Variants in EYS observed in about 807,000 individuals in gnomAD.
EYS encodes the protein protein eyes shut homolog.
In EYS, 250 loss-of-function variants were observed where a neutral mutation model predicts 282.1. The observed-to-expected ratio is 0.89, with a 90% CI of 0.80 to 0.98. The LOEUF (loss-of-function observed/expected upper bound fraction) is 0.98. Ranked by LOEUF, EYS falls within the 50% of genes least tolerant of loss-of-function variation. EYS has a pLI of 0.00. For missense variants in EYS, 4,016 were observed against 3,709.0 expected, an observed-to-expected ratio of 1.08 and a Z score of -2.15; for synonymous variants, 1,355 against 1,282.9, an observed-to-expected ratio of 1.06 and a Z score of -1.20.
At chr6:64,803,798 G>A (rs1013619572) in intron 22 of EYS, among the ~76,000 whole-genome samples, 3 of 152,218 alleles carry the variant, frequency 2.0e-5, no homozygotes, top group Non-Finnish European at 2.9e-5. Context: ...ACAGTGCCTG[G>A]GCTTGGCCTC....
chr6:65,556,057 A>T (rs192761721), intron 2 of EYS, among the ~76,000 whole-genome samples: 8 of 152,170 alleles, frequency 5.3e-5, no homozygotes, highest in Non-Finnish European at 7.3e-5. Flanking sequence ...GCTTTGCTCA[A>T]TGGTCCTTCT....
intron 26 of EYS, among the ~76,000 whole-genome samples, chr6:64,571,331 A>G (rs1449466980): frequency 6.6e-6 from 1 of 152,186 alleles, no homozygotes; most frequent in Non-Finnish European, 1.5e-5. Context: ...AGCAGAAAAG[A>G]TCTAAAATCA....
intron 15 of EYS, among the ~76,000 whole-genome samples, chr6:64,920,956 A>G (rs1768327833): frequency 6.6e-6 from 1 of 152,158 alleles, no homozygotes; most frequent in Non-Finnish European, 1.5e-5. Flanking sequence ...CAGTTTAATA[A>G]GCATTACACT....
At chr6:64,632,060 C>T (rs994509148) in intron 22 of EYS, among the ~76,000 whole-genome samples, 1 of 91,784 alleles carries the variant, frequency 1.1e-5, no homozygotes, top group Non-Finnish European at 2.4e-5. Flanking sequence ...AAGGAAGGAA[C>T]GATGTTATGA....
chr6:64,999,379 T>C (rs775053209), intron 13 of EYS, among the ~76,000 whole-genome samples: 1 of 152,238 alleles, frequency 6.6e-6, no homozygotes, highest in African/African-American at 2.4e-5. Flanking sequence ...ATTGTTGTTG[T>C]TGTTTTTAAC....
intron 34 of EYS, among the ~76,000 whole-genome samples, chr6:63,989,949 C>T (rs1480271858): frequency 6.6e-6 from 1 of 151,450 alleles, no homozygotes; most frequent in African/African-American, 2.4e-5. Context: ...CAATAATTCA[C>T]AGTTAATATT....
intron 5 of EYS, among the ~76,000 whole-genome samples, chr6:65,471,616 A>G (rs986848759): frequency 1.3e-5 from 2 of 152,092 alleles, no homozygotes; most frequent in African/African-American, 4.8e-5. Context: ...TCAGAATATG[A>G]TCTCATTACC....
chr6:64,555,772 A>G (rs1348815649), intron 26 of EYS, among the ~76,000 whole-genome samples: 3 of 152,004 alleles, frequency 2.0e-5, no homozygotes, highest in Non-Finnish European at 4.4e-5. Context: ...CATTACATGA[A>G]TGTATTAAAT....
chr6:64,823,423 T>C (rs1764956817), intron 19 of EYS, among the ~76,000 whole-genome samples: 1 of 151,866 alleles, frequency 6.6e-6, no homozygotes, highest in East Asian at 1.9e-4. Flanking sequence ...GGTAATCATT[T>C]ACAGATAGAA....
intron 14 of EYS, among the ~76,000 whole-genome samples, chr6:64,973,625 T>A (rs541607075): frequency 1.3e-5 from 2 of 152,056 alleles, no homozygotes; most frequent in South Asian, 4.1e-4. Context: ...CATAAACTAA[T>A]CTAGAAAAAC....
intron 22 of EYS, among the ~76,000 whole-genome samples, chr6:64,644,630 G>A (rs946538606): frequency 2.6e-5 from 4 of 152,130 alleles, no homozygotes; most frequent in Non-Finnish European, 5.9e-5. Flanking sequence ...CAGAGAAGTA[G>A]TAGAACATTA....
chr6:64,342,518 G>A (rs1199592999), intron 29 of EYS, among the ~76,000 whole-genome samples: 1 of 151,958 alleles, frequency 6.6e-6, no homozygotes, highest in Non-Finnish European at 1.5e-5. Flanking sequence ...CAAATGCTGA[G>A]AGATTTTGTC....
intron 30 of EYS, among the ~76,000 whole-genome samples, chr6:64,260,280 C>T (rs1185824919): frequency 6.6e-6 from 1 of 152,026 alleles, no homozygotes; most frequent in African/African-American, 2.4e-5. Context: ...ATGAGGCTGC[C>T]ATACTAGTCA....
intron 1 of EYS, among the ~76,000 whole-genome samples, chr6:65,696,954 G>A (rs1490991650): frequency 6.6e-6 from 1 of 151,900 alleles, no homozygotes; most frequent in Non-Finnish European, 1.5e-5. Context: ...ACACCATATT[G>A]AATTCTGTAA....
intron 22 of EYS, among the ~76,000 whole-genome samples, chr6:64,725,611 G>T (rs995570149): frequency 1.3e-4 from 20 of 151,766 alleles, no homozygotes; most frequent in Admixed American, 1.1e-3. Context: ...AATAATCATT[G>T]TCATTTTGAC....
intron 33 of EYS, among the ~76,000 whole-genome samples, chr6:64,020,340 A>C (rs1435310632): frequency 2.0e-5 from 3 of 152,194 alleles, no homozygotes; most frequent in African/African-American, 7.2e-5. Flanking sequence ...AATATGTATA[A>C]ATGTAATATA....
At chr6:65,664,437 G>A (rs1034755010) in intron 1 of EYS, among the ~76,000 whole-genome samples, 3 of 152,128 alleles carry the variant, frequency 2.0e-5, no homozygotes, top group Non-Finnish European at 2.9e-5. Context: ...TTTTACAGCT[G>A]TGAATATTTT....
intron 26 of EYS, among the ~76,000 whole-genome samples, chr6:64,451,446 A>G (rs1354932862): frequency 6.6e-6 from 1 of 152,194 alleles, no homozygotes; most frequent in African/African-American, 2.4e-5. Context: ...AGGAGCTGGT[A>G]CCATTCCTTC....
chr6:65,635,400 C>T (rs2149810405), intron 2 of EYS, among the ~76,000 whole-genome samples: 1 of 152,302 alleles, frequency 6.6e-6, no homozygotes, highest in African/African-American at 2.4e-5. Flanking sequence ...CACCCCGCCC[C>T]ATCTTGCCTT....
Sources: gnomAD v4.1 joint callset for allele counts (sites outside exome capture counted in the v4.1 genomes callset) on GRCh38, gnomAD v4.1.1 for gene constraint, MANE v1.5 for transcripts, NCBI Gene and HGNC (gene_info 2026-07-23, HGNC 2026-07-21) for gene names.